Variants in SLC46A3 observed in about 807,000 individuals in gnomAD.
SLC46A3 encodes lysosomal proton-coupled steroid conjugate and bile acid symporter SLC46A3.
Under a neutral mutation model 38.5 loss-of-function variants are expected in SLC46A3, and 26 were observed. That is an observed-to-expected ratio of 0.68 (90% CI 0.49 to 0.94). The LOEUF (loss-of-function observed/expected upper bound fraction) is 0.94, where lower values mean the gene tolerates loss of function less well. SLC46A3 is among the 40% of genes least tolerant of loss of function. The probability of loss-of-function intolerance (pLI) is 0.00; values close to 1 mark genes in which losing one functional copy is unlikely to be tolerated. For synonymous variants in SLC46A3, 185 were observed against 192.5 expected, an observed-to-expected ratio of 0.96 and a Z score of 0.32; for missense variants, 510 against 544.3, an observed-to-expected ratio of 0.94 and a Z score of 0.63.
In SLC46A3 at chr13:28,712,699, T is replaced by C. The variant is rs762901473; in HGVS notation, c.1041A>G (p.Thr347=). 3 of 1,597,786 alleles carry C rather than the reference T, an allele frequency of 1.9e-6. No individual in the cohort carries two copies. In the Admixed American group the frequency reaches 5.4e-5, roughly 29 times the overall value. ...ACTCACCTAAAAACATCATCAGTGT[T>C]GTACTGGCAAACGCGGTCATAGCCA... ...TGMAMTAFAS[T]TLMMFLARVP... The change falls in exon 3 of 6, where the codon ACA becomes ACG. Residue 347 remains threonine, a synonymous_variant. Coordinates refer to ENST00000266943, the MANE Select transcript of SLC46A3 (RefSeq NM_181785.4).
intron 4 of SLC46A3, among the ~76,000 whole-genome samples, chr13:28,709,038 G>A (rs1231207212): frequency 6.6e-6 from 1 of 152,038 alleles, no homozygotes; most frequent in Non-Finnish European, 1.5e-5. Flanking sequence ...TGAAAAATAA[G>A]AGGCCGGGTG....
At chr13:28,709,553 A>T (rs1885282206) in intron 4 of SLC46A3, among the ~76,000 whole-genome samples, 1 of 152,210 alleles carries the variant, frequency 6.6e-6, no homozygotes, top group Non-Finnish European at 1.5e-5. Flanking sequence ...ACAAGCCCAT[A>T]TGCCTGATAT....
At chr13:28,712,560 A>G in intron 3 of SLC46A3, 120 bp downstream of exon 3, 1 of 1,010,208 alleles carries the variant, frequency 9.9e-7, no homozygotes. Context: ...TTACCCTTTA[A>G]TTGAACTAGA....
Position 28,700,857 on chromosome 13 carries a change from A to T in SLC46A3, c.*640T>A. 1 of 999,480 alleles carries T rather than the reference A, an allele frequency of 1.0e-6. No individual in the cohort carries two copies. The highest frequency in any genetic ancestry group is 1.5e-6 in the Non-Finnish European group (1 of 680,686). 61.9% of individuals were successfully genotyped at this position (999,480 alleles called of 1,614,324 possible). On this transcript the variant is annotated 3_prime_UTR_variant, in exon 6 of 6. Coordinates refer to ENST00000266943, the MANE Select transcript of SLC46A3 (RefSeq NM_181785.4). ...ATATTCTTTAAAGTGCCTCCCTTTTAAGGATTTTGTATCAACAAAGCACTG... is the reference window on the plus strand; with the variant it reads ...ATATTCTTTAAAGTGCCTCCCTTTTTAGGATTTTGTATCAACAAAGCACTG...
Position 28,713,563 on chromosome 13 carries a change from A to G in SLC46A3, c.190-13T>C. 2 of 1,595,918 alleles carry G rather than the reference A, an allele frequency of 1.3e-6. No individual in the cohort carries two copies. The highest frequency in any genetic ancestry group is 1.7e-6 in the Non-Finnish European group (2 of 1,169,792). On this transcript the variant is annotated splice_polypyrimidine_tract_variant and intron_variant, in intron 2 of 5. Transcript: ENST00000266943. ...TTTTCTGAACTTCCTGCAAAGAAAT[A>G]TAAAGAAGACAATGTGTTTACAGTA...
rs534922363 is a variant in SLC46A3, at chr13:28,713,074, C to T, written c.666G>A (p.Val222=). ...IYILFFLGDP[V]KECSSQNVTM... is the part of the protein sequence containing the mutation. ...TAACATTCTGAGATGAACACTCTTT[C>T]ACTGGATCTCCGAGAAAAAATAAAA... The change falls in exon 3 of 6, where the codon GTG becomes GTA. Residue 222 remains valine (V), a synonymous_variant. Coordinates refer to ENST00000266943, the MANE Select transcript of SLC46A3 (RefSeq NM_181785.4). The T allele has an allele frequency of 6.2e-7, 1 of 1,611,092 alleles. No homozygotes were observed. Among genetic ancestry groups the T allele is most frequent in the Admixed American group, 1.7e-5 (1 of 59,452 alleles).
Position 28,713,170 on chromosome 13 carries a change from A to G in SLC46A3, c.570T>C (p.Phe190=). The stretch of plus-strand genomic sequence containing the variant: ...ACCACTCAAAACCTAGCTCTCTAAT[A>G]AAATAGCCAGATGACAGTCCTGTTA... ...TGLTGLSSGY[F]IRELGFEWSF... Residue 190 remains phenylalanine (F), a synonymous_variant, in exon 3 of 6, where the codon TTT becomes TTC. Transcript: ENST00000266943. 1 of 1,614,156 alleles carries G rather than the reference A, an allele frequency of 6.2e-7. No homozygotes were observed. The highest frequency in any genetic ancestry group is 8.5e-7 in the Non-Finnish European group (1 of 1,180,014).
chr13:28,713,705 T>C (rs1307483691), intron 2 of SLC46A3, among the ~76,000 whole-genome samples, 155 bp from the exon 3 acceptor site: 4 of 152,176 alleles, frequency 2.6e-5, no homozygotes, highest in Non-Finnish European at 5.9e-5. Context: ...TACATTTTCA[T>C]CCAGTTTATA....
chr13:28,715,839 T>C (rs1885512345), intron 2 of SLC46A3, among the ~76,000 whole-genome samples: 1 of 151,958 alleles, frequency 6.6e-6, no homozygotes, highest in Non-Finnish European at 1.5e-5. Flanking sequence ...TGATTATCTG[T>C]CAATTAAAAA....
chr13:28,710,924 T>C, intron 3 of SLC46A3, 81 bp from the exon 4 acceptor site: 1 of 928,982 alleles, frequency 1.1e-6, no homozygotes, highest in African/African-American at 1.7e-5. Context: ...TTTCACTCTG[T>C]CTAAATACTT....
At chr13:28,716,711 T>G (rs1037914860) in intron 2 of SLC46A3, among the ~76,000 whole-genome samples, 6 of 152,102 alleles carry the variant, frequency 3.9e-5, no homozygotes, top group African/African-American at 1.4e-4. Context: ...TGAGTAAGAT[T>G]AGGGATTGTG....
rs1235502985 is a variant in SLC46A3 at position 28,710,838 on chromosome 13, C to T, written c.1066G>A (p.Val356Met). 1.2e-6 allele frequency: 2 copies of T among 1,612,658 alleles called. No homozygotes were observed. Among genetic ancestry groups the T allele is most frequent in the African/African-American group, 1.3e-5 (1 of 74,944 alleles). Reference protein sequence around the residue: ...STTLMMFLARVPFLFTIVPFS... With the variant: ...STTLMMFLARMPFLFTIVPFS... ...GGCACAATAGTGAAAAGGAACGGCA[C>T]CCTGGCTGTGAGAGAAAGGATTCAA... Residue 356 changes from valine to methionine, a missense_variant, in exon 4 of 6, where the codon GTG becomes ATG. Coordinates refer to ENST00000266943, the MANE Select transcript of SLC46A3 (RefSeq NM_181785.4).
Position 28,713,006 on chromosome 13 carries a change from G to C in SLC46A3, c.734C>G (p.Thr245Ser). 1 of 1,613,242 alleles carries C rather than the reference G, an allele frequency of 6.2e-7. No individual in the cohort carries two copies. The highest frequency in any genetic ancestry group is 1.3e-5 in the African/African-American group (1 of 75,004). The stretch of plus-strand genomic sequence containing the variant: ...AGAAGCATTCTTAAAAAGCATGTAA[G>C]TTCGGTAAAATAGGTTTTTGAAGCC... ...SEGFKNLFYR[T>S]YMLFKNASGK... Residue 245 changes from threonine (T) to serine (S), a missense_variant, in exon 3 of 6, where the codon ACT (threonine) becomes AGT (serine). Thr to Ser is a moderately conservative substitution (Grantham distance 58). Transcript: ENST00000266943.
At position 28,713,086 on chromosome 13, in the gene SLC46A3, G is replaced by A. The variant is rs145912208; in HGVS notation, c.654C>T (p.Leu218=). The A allele has an allele frequency of 4.5e-5, 73 of 1,610,708 alleles. No homozygotes were observed. The Admixed American group carries it at 1.0e-3, about 23-fold the overall frequency. Residue 218 remains leucine (L), a synonymous_variant, in exon 3 of 6, where the codon CTC becomes CTT. Coordinates refer to ENST00000266943, the MANE Select transcript of SLC46A3 (RefSeq NM_181785.4). The part of the protein sequence containing the change: ...AVNLIYILFF[L]GDPVKECSSQ... ...ATGAACACTCTTTCACTGGATCTCC[G>A]AGAAAAAATAAAATATAGATCAAAT...
Position 28,700,757 on chromosome 13 carries a change from C to T in SLC46A3, c.*740G>A. On this transcript the variant is annotated 3_prime_UTR_variant, in exon 6 of 6. Transcript: ENST00000266943. ...CAATTTTATTTATCATCTATTTTTT[C>T]CCAATTACCCATTACATATAGAAAT... is the stretch of plus-strand genomic sequence containing the variant. 2.1e-6 allele frequency: 1 copy of T among 472,214 alleles called. No homozygotes were observed. The highest frequency in any genetic ancestry group is 3.8e-6 in the Non-Finnish European group (1 of 263,214). The allele number at this position is 472,214 out of a possible 1,614,324, so 29.3% of individuals were successfully genotyped here. A position where few individuals can be genotyped will look rare whatever the true frequency, so the allele number is the denominator to read the frequency against.
In SLC46A3 at chr13:28,717,864, G is replaced by C. The variant is rs1201468399; in HGVS notation, c.135C>G (p.Ser45Arg). The C allele has an allele frequency of 6.2e-7, 1 of 1,613,772 alleles. No homozygotes were observed. The highest frequency in any genetic ancestry group is 1.7e-5 in the Admixed American group (1 of 59,948). Residue 45 changes from serine to arginine, a missense_variant, in exon 2 of 6, where the codon AGC becomes AGG. Transcript: ENST00000266943. ...ETGNYTFSSD[S>R]NISECEKNKS... ...TGTTTTTTTCACACTCAGAAATATT[G>C]CTATCAGATGAAAAAGTGTAGTTGC...
chr13:28,713,064 AAC>A lies in SLC46A3; in HGVS notation c.674_675del (p.Cys225PhefsTer10), dbSNP rs757420121. On this transcript the variant is annotated frameshift_variant, in exon 3 of 6. Transcript: ENST00000266943. LOFTEE classifies it high-confidence loss of function. Reference protein sequence around the residue: ...LFFLGDPVKECSSQNVTMSCS... With the variant: ...LFFLGDPVKEXSSQNVTMSCS... ...CATGACATAGTAACATTCTGAGATG[AAC>A]ACTCTTTCACTGGATCTCCGAGAAA... The A allele has an allele frequency of 1.2e-5, 20 of 1,611,316 alleles. 1 individual carries two copies. In the South Asian group the frequency reaches 2.2e-4, roughly 18 times the overall value.
rs775646181 is a variant in SLC46A3, at chr13:28,704,074, G to A, written c.1170C>T (p.Phe390=). ...EQGTLFACIA[F]LETLGGVTAV... ...CAGTGACTCCTCCAAGTGTTTCTAAGAAAGCAATACAAGCAAACAGGGTAC... is the reference window on the plus strand; with the variant it reads ...CAGTGACTCCTCCAAGTGTTTCTAAAAAAGCAATACAAGCAAACAGGGTAC... Residue 390 remains phenylalanine, a synonymous_variant, in exon 5 of 6, where the codon TTC becomes TTT. Transcript: ENST00000266943. 3.0e-5 allele frequency: 49 copies of A among 1,612,382 alleles called. No homozygotes were observed. Among genetic ancestry groups the A allele is most frequent in the Non-Finnish European group, 3.9e-5 (46 of 1,179,474 alleles).
intron 2 of SLC46A3, among the ~76,000 whole-genome samples, chr13:28,715,345 G>A (rs1025641711): frequency 6.6e-6 from 1 of 152,254 alleles, no homozygotes; most frequent in South Asian, 2.1e-4. Context: ...CAGCAGCTGG[G>A]CCAGGCTGGA....
Sources: allele counts gnomAD v4.1 joint callset (sites outside exome capture counted in the v4.1 genomes callset), GRCh38; gene constraint gnomAD v4.1.1; transcripts MANE v1.5; gene names NCBI Gene and HGNC (gene_info 2026-07-23, HGNC 2026-07-21).